Variants in DLG2 observed in about 807,000 individuals in gnomAD.
The protein encoded by DLG2 is discs large MAGUK scaffold protein 2.
DLG2 carries 45 observed loss-of-function variants against 132.5 expected under a neutral mutation model. The observed-to-expected ratio is 0.34, with a 90% CI of 0.27 to 0.44. The LOEUF is 0.44. Ranked by LOEUF, DLG2 falls within the 20% of genes least tolerant of loss-of-function variation. DLG2 has a pLI of 1.00. For synonymous variants in DLG2, 424 were observed against 419.6 expected, an observed-to-expected ratio of 1.01 and a Z score of -0.13; for missense variants, 1,045 against 1,196.9, an observed-to-expected ratio of 0.87 and a Z score of 1.87.
intron 26 of DLG2, among the ~76,000 whole-genome samples, chr11:83,466,232 C>T (rs757908613): frequency 8.6e-5 from 13 of 151,364 alleles, no homozygotes; most frequent in African/African-American, 2.9e-4. Flanking sequence ...AAGTCTCAAA[C>T]GTTGTCTGCT....
intron 15 of DLG2, among the ~76,000 whole-genome samples, chr11:83,920,708 T>C (rs371074188): frequency 6.6e-6 from 1 of 151,542 alleles, no homozygotes; most frequent in East Asian, 1.9e-4. Context: ...GAAATCCTTA[T>C]AGGTACCCCA....
intron 6 of DLG2, among the ~76,000 whole-genome samples, chr11:84,540,673 C>T (rs2099366432): frequency 6.6e-6 from 1 of 152,104 alleles, no homozygotes; most frequent in Non-Finnish European, 1.5e-5. Flanking sequence ...CCATTTGACC[C>T]AGCCATCCCA....
chr11:84,075,236 GC>G (rs1239869000), intron 10 of DLG2, among the ~76,000 whole-genome samples: 4 of 152,118 alleles, frequency 2.6e-5, no homozygotes, highest in Non-Finnish European at 5.9e-5. Flanking sequence ...TTCATTTTCT[GC>G]ATAGCATTTA....
At chr11:85,049,457 C>G (rs906465150) in intron 6 of DLG2, among the ~76,000 whole-genome samples, 1 of 139,660 alleles carries the variant, frequency 7.2e-6, no homozygotes, top group African/African-American at 2.5e-5. Context: ...AAAAATTCCT[C>G]AATCTGAACA....
intron 5 of DLG2, among the ~76,000 whole-genome samples, chr11:85,116,789 A>G (rs1171449254): frequency 6.6e-6 from 1 of 151,978 alleles, no homozygotes; most frequent in African/African-American, 2.4e-5. Context: ...ATTACCAAGA[A>G]CCAACTTGAG....
rs187661371 is a variant in DLG2, at chr11:85,307,106, C to T, written c.41-21741G>A. On this transcript the variant is annotated intron_variant, in intron 3 of 27. Transcript: ENST00000376104. ...TAGGCAAAGACAGGTTGGCCATCCACACAGTATAACGAAAGAAGACGCTGA... is the reference window on the plus strand; with the variant it reads ...TAGGCAAAGACAGGTTGGCCATCCATACAGTATAACGAAAGAAGACGCTGA... Among the ~76,000 whole-genome samples, 117 of 152,288 alleles carry T rather than the reference C, an allele frequency of 7.7e-4. 2 individuals are homozygous for T. The highest frequency in any genetic ancestry group is 3.4e-3 in the Middle Eastern group (1 of 294).
At chr11:85,543,266 TAAG>T (rs1378733952) in intron 3 of DLG2, among the ~76,000 whole-genome samples, 3 of 152,206 alleles carry the variant, frequency 2.0e-5, no homozygotes, top group African/African-American at 7.2e-5. Context: ...GTTAGTTTGC[TAAG>T]AATGATGGTT....
chr11:85,182,159 T>C (rs1318499444), intron 4 of DLG2, among the ~76,000 whole-genome samples: 1 of 151,996 alleles, frequency 6.6e-6, no homozygotes, highest in African/African-American at 2.4e-5. Context: ...CCAAGTACTC[T>C]GCCTATGTTA....
chr11:85,183,332 A>G (rs1425418911), intron 4 of DLG2, among the ~76,000 whole-genome samples: 2 of 151,796 alleles, frequency 1.3e-5, no homozygotes, highest in Non-Finnish European at 2.9e-5. Flanking sequence ...CAGCACAACA[A>G]TCTAGTATTC....
intron 6 of DLG2, among the ~76,000 whole-genome samples, chr11:84,862,817 C>CA (rs2083930354): frequency 6.5e-5 from 3 of 46,176 alleles, no homozygotes; most frequent in Non-Finnish European, 8.7e-5. Context: ...CAGGTCCTGT[C>CA]GGGGGGGGGG....
intron 3 of DLG2, among the ~76,000 whole-genome samples, chr11:85,531,841 A>G (rs1272944728): frequency 6.6e-6 from 1 of 152,218 alleles, no homozygotes; most frequent in African/African-American, 2.4e-5. Context: ...AATAGATTAT[A>G]AATCTCCCAA....
chr11:84,397,266 A>C (rs1023492279), intron 7 of DLG2, among the ~76,000 whole-genome samples: 4 of 152,170 alleles, frequency 2.6e-5, no homozygotes, highest in Non-Finnish European at 5.9e-5. Flanking sequence ...AAACTTCTTA[A>C]GGGAGAAATT....
chr11:85,570,388 A>T (rs2077779761), intron 3 of DLG2, among the ~76,000 whole-genome samples: 1 of 152,176 alleles, frequency 6.6e-6, no homozygotes, highest in African/African-American at 2.4e-5. Flanking sequence ...TGTTCTATAG[A>T]TGTCTGTTAG....
Position 83,824,319 on chromosome 11 carries a change from G to A in DLG2, c.1722+9295C>T, listed in dbSNP as rs1016279517. The stretch of plus-strand genomic sequence containing the variant: ...ATGTGGTCCCTGGAACTTACCGTTA[G>A]CATTTCCATGTTATATTGGAAATAA... On this transcript the variant is annotated intron_variant, in intron 17 of 27. Coordinates refer to ENST00000376104, the MANE Select transcript of DLG2 (RefSeq NM_001142699.3). 3.3e-5 allele frequency among the ~76,000 whole-genome samples: 5 copies of A among 152,028 alleles called. 1 individual carries two copies. The highest frequency in any genetic ancestry group is 1.2e-4 in the African/African-American group (5 of 41,360).
intron 8 of DLG2, among the ~76,000 whole-genome samples, chr11:84,164,352 A>G (rs1414261796): frequency 6.6e-6 from 1 of 152,208 alleles, no homozygotes; most frequent in Non-Finnish European, 1.5e-5. Context: ...AAAATTCTCA[A>G]ATCGGTTGTT....
intron 7 of DLG2, among the ~76,000 whole-genome samples, chr11:84,428,952 G>A (rs536672716): frequency 2.6e-5 from 4 of 152,236 alleles, no homozygotes; most frequent in African/African-American, 4.8e-5. Context: ...GTTACTGTTT[G>A]TTTTACTTCA....
chr11:84,157,320 A>G (rs1226177443), intron 9 of DLG2, among the ~76,000 whole-genome samples: 1 of 152,214 alleles, frequency 6.6e-6, no homozygotes, highest in Non-Finnish European at 1.5e-5. Flanking sequence ...ATAAATGAAT[A>G]TATTTGTATA....
At chr11:84,972,243 G>A (rs2054204027) in intron 6 of DLG2, among the ~76,000 whole-genome samples, 1 of 152,088 alleles carries the variant, frequency 6.6e-6, no homozygotes, top group Non-Finnish European at 1.5e-5. Flanking sequence ...AGGCCTCATG[G>A]TCATTGGGCT....
chr11:85,507,413 C>T (rs2093960107), intron 3 of DLG2, among the ~76,000 whole-genome samples: 1 of 152,152 alleles, frequency 6.6e-6, no homozygotes, highest in Non-Finnish European at 1.5e-5. Context: ...CTGGTGGTGA[C>T]AAAATCTCTC....
Sources: gnomAD v4.1 joint callset for allele counts (sites outside exome capture counted in the v4.1 genomes callset) on GRCh38, gnomAD v4.1.1 for gene constraint, MANE v1.5 for transcripts, NCBI Gene and HGNC (gene_info 2026-07-23, HGNC 2026-07-21) for gene names.